Variants in LIMS1 observed in about 807,000 individuals in gnomAD.
LIMS1 encodes LIM and senescent cell antigen-like-containing domain protein 1.
A neutral mutation model predicts 44.1 loss-of-function variants in LIMS1; 18 were observed. That is an observed-to-expected ratio of 0.41 (90% confidence interval 0.28 to 0.61). LIMS1 has a LOEUF of 0.61. Ranked by LOEUF, LIMS1 falls within the 20% of genes least tolerant of loss-of-function variation. The pLI, the probability that LIMS1 is intolerant of heterozygous loss-of-function variation, is 0.32. For synonymous variants in LIMS1, 93 were observed against 149.1 expected, an observed-to-expected ratio of 0.62 and a Z score of 2.74; for missense variants, 201 against 422.0, an observed-to-expected ratio of 0.48 and a Z score of 4.59.
chr2:108,600,454 C>CT (rs1686946283), intron 1 of LIMS1, among the ~76,000 whole-genome samples: 1 of 152,220 alleles, frequency 6.6e-6, no homozygotes, highest in Non-Finnish European at 1.5e-5. Context: ...AGACCAATAT[C>CT]TTTGAGAGTT....
intron 1 of LIMS1, among the ~76,000 whole-genome samples, chr2:108,636,220 A>C (rs1348684363): frequency 6.6e-6 from 1 of 152,336 alleles, no homozygotes; most frequent in East Asian, 1.9e-4. Context: ...AGTCGCTGGC[A>C]CAGATTGCTG....
chr2:108,590,594 T>C (rs1686334559), intron 1 of LIMS1, among the ~76,000 whole-genome samples: 1 of 152,214 alleles, frequency 6.6e-6, no homozygotes, highest in Admixed American at 6.5e-5. Flanking sequence ...CCCCCTTCAA[T>C]TCTAAGAGAC....
At chr2:108,623,376 T>C (rs1240998396) in intron 1 of LIMS1, among the ~76,000 whole-genome samples, 3 of 152,114 alleles carry the variant, frequency 2.0e-5, no homozygotes, top group Non-Finnish European at 4.4e-5. Context: ...GTTGGACAAG[T>C]TATATAATTT....
intron 2 of LIMS1, among the ~76,000 whole-genome samples, chr2:108,663,816 G>A (rs1471221578): frequency 6.6e-6 from 1 of 151,414 alleles, no homozygotes; most frequent in Non-Finnish European, 1.5e-5. Flanking sequence ...GTGCAAATGT[G>A]CGATCTTGGC....
rs971984238 is a variant in LIMS1, at chr2:108,535,147, A to G, written c.32+553A>G. Among the ~76,000 whole-genome samples the G allele has an allele frequency of 3.3e-5, 5 of 152,364 alleles. No homozygotes were observed. In the South Asian group the frequency reaches 8.3e-4, roughly 25 times the overall value. ...TCCTTTACAGTTTGCGAATCTCTTG[A>G]GTTGTCTGACTTAGTAGAGACAACT... is the stretch of plus-strand genomic sequence containing the variant. On this transcript the variant is annotated intron_variant, in intron 1 of 9. Coordinates refer to ENST00000544547, the Ensembl canonical transcript of LIMS1.
rs201549307 is a variant in LIMS1 at position 108,536,421 on chromosome 2, C to T, written c.32+1827C>T. Among the ~76,000 whole-genome samples the T allele has an allele frequency of 5.9e-5, 9 of 152,326 alleles. No individual in the cohort carries two copies. The East Asian group carries it at 9.6e-4, about 16-fold the overall frequency. On this transcript the variant is annotated intron_variant, in intron 1 of 9. Coordinates refer to ENST00000544547, the Ensembl canonical transcript of LIMS1. ...CATATCTCATGTAAGTGGAATCATA[C>T]GCTATTTGTTGTGCATGTCATAGTT...
intron 1 of LIMS1, among the ~76,000 whole-genome samples, chr2:108,656,657 G>A (rs1172615211): frequency 2.0e-5 from 3 of 148,412 alleles, no homozygotes; most frequent in Admixed American, 1.3e-4. Flanking sequence ...AATACTTCTT[G>A]CAAAATATAT....
chr2:108,556,081 G>T (rs969660740), intron 1 of LIMS1, among the ~76,000 whole-genome samples: 3 of 151,766 alleles, frequency 2.0e-5, no homozygotes, highest in African/African-American at 7.3e-5. Flanking sequence ...TTCACAATGC[G>T]ATTAAACAAT....
chr2:108,537,433 A>G (rs903729629), intron 1 of LIMS1, among the ~76,000 whole-genome samples: 1 of 152,220 alleles, frequency 6.6e-6, no homozygotes, highest in Non-Finnish European at 1.5e-5. Context: ...TTTTAGTAGG[A>G]TGTAATAACT....
At chr2:108,642,402 C>G (rs1201664326) in intron 1 of LIMS1, among the ~76,000 whole-genome samples, 7 of 133,780 alleles carry the variant, frequency 5.2e-5, no homozygotes, top group African/African-American at 1.9e-4. Flanking sequence ...CTCTGTCGCC[C>G]AGGCTGGAGT....
chr2:108,657,492 G>C (rs1402639110), intron 1 of LIMS1, among the ~76,000 whole-genome samples: 3 of 152,300 alleles, frequency 2.0e-5, no homozygotes, highest in Non-Finnish European at 4.4e-5. Flanking sequence ...AGCTTACCGT[G>C]CTCCTTCATC....
chr2:108,578,587 ATTTTTT>A (rs575139291), intron 1 of LIMS1, among the ~76,000 whole-genome samples: 587 of 100,790 alleles, frequency 5.8e-3, no homozygotes, highest in Non-Finnish European at 7.7e-3. Context: ...AATGTAAATA[ATTTTTT>A]TTTTTTTTTT....
At chr2:108,627,894 A>G (rs1469231739) in intron 1 of LIMS1, among the ~76,000 whole-genome samples, 8 of 152,282 alleles carry the variant, frequency 5.3e-5, no homozygotes, top group South Asian at 2.1e-4. Context: ...AAATGGTTAT[A>G]TCTGTTTCCT....
chr2:108,550,355 C>T (rs1558783024), intron 1 of LIMS1, among the ~76,000 whole-genome samples: 2 of 146,438 alleles, frequency 1.4e-5, no homozygotes, highest in East Asian at 2.0e-4. Flanking sequence ...AAAAATTAGC[C>T]GGGCGCGGTG....
intron 1 of LIMS1, among the ~76,000 whole-genome samples, chr2:108,578,130 C>T (rs112480167): frequency 8.5e-5 from 13 of 152,124 alleles, no homozygotes; most frequent in African/African-American, 3.1e-4. Flanking sequence ...AGGCTGGTCT[C>T]GAACTCCTGA....
intron 1 of LIMS1, among the ~76,000 whole-genome samples, chr2:108,624,350 A>ACCCT (rs1276414584): frequency 6.6e-6 from 1 of 152,242 alleles, no homozygotes; most frequent in Non-Finnish European, 1.5e-5. Context: ...CCTGCCCTTT[A>ACCCT]AAAATTCTCA....
chr2:108,630,490 C>T (rs891933322), intron 1 of LIMS1, among the ~76,000 whole-genome samples: 6 of 146,906 alleles, frequency 4.1e-5, no homozygotes, highest in African/African-American at 1.4e-4. Flanking sequence ...CAGAGGGATT[C>T]GTTATACTCA....
intron 1 of LIMS1, chr2:108,621,358 A>G: frequency 6.4e-7 from 1 of 1,550,706 alleles, no homozygotes; most frequent in Non-Finnish European, 8.7e-7. Flanking sequence ...GAGAAGTATG[A>G]CTGCATTACA....
chr2:108,563,402 G>T (rs953276191), intron 1 of LIMS1, among the ~76,000 whole-genome samples: 3 of 152,160 alleles, frequency 2.0e-5, no homozygotes, highest in Non-Finnish European at 4.4e-5. Context: ...ATGATTTATG[G>T]CAGGTGGTCA....
Sources: gnomAD v4.1 joint callset for allele counts (sites outside exome capture counted in the v4.1 genomes callset) on GRCh38, gnomAD v4.1.1 for gene constraint, MANE v1.5 for transcripts, NCBI Gene and HGNC (gene_info 2026-07-23, HGNC 2026-07-21) for gene names.